The following CRPPA variants were observed in gnomAD, a reference collection of about 807,000 sequenced individuals.
CRPPA encodes the protein CDP-L-ribitol pyrophosphorylase A.
CRPPA carries 43 observed loss-of-function variants against 52.0 expected under a neutral mutation model. The ratio of observed to expected loss-of-function variants is 0.83; its 90% CI spans 0.65 to 1.07. CRPPA has a LOEUF of 1.07. CRPPA is among the 50% of genes least tolerant of loss of function. The pLI, the probability that CRPPA is intolerant of heterozygous loss-of-function variation, is 0.00. For missense variants in CRPPA, 629 were observed against 551.7 expected (o/e 1.14, Z -1.40); for synonymous variants, 250 against 203.5 (o/e 1.23, Z -1.94).
intron 2 of CRPPA, among the ~76,000 whole-genome samples, chr7:16,383,411 T>TGCC (rs1787167016): frequency 6.6e-6 from 1 of 152,014 alleles, no homozygotes. Context: ...TACTGGGGGG[T>TGCC]GCCTCCCAGT....
rs147270294 is a variant in CRPPA, at chr7:16,320,560, G to A, written c.685-11933C>T. Among the ~76,000 whole-genome samples the A allele has an allele frequency of 6.9e-3, 1,055 of 152,102 alleles. 18 individuals are homozygous for A. The highest frequency in any genetic ancestry group is 0.025 in the African/African-American group (1,031 of 41,484). On this transcript the variant is annotated intron_variant, in intron 3 of 9. Coordinates refer to ENST00000407010, the MANE Select transcript of CRPPA (RefSeq NM_001101426.4). ...ATCATTCACAGTATTATTTCTGCTA[G>A]GCAGCCTGGGAAGTTTGCCCAACCA...
At chr7:16,120,201 T>C (rs1345920795) in intron 9 of CRPPA, among the ~76,000 whole-genome samples, 1 of 152,198 alleles carries the variant, frequency 6.6e-6, no homozygotes, top group African/African-American at 2.4e-5. Flanking sequence ...GCCCTTCAGG[T>C]GTTGACCTTG....
At chr7:16,274,291 G>A (rs1224944409) in intron 6 of CRPPA, among the ~76,000 whole-genome samples, 3 of 151,974 alleles carry the variant, frequency 2.0e-5, no homozygotes, top group South Asian at 2.1e-4. Flanking sequence ...TTCGTGATCC[G>A]CCCACCTCGG....
chr7:16,381,765 C>T (rs28822763), intron 2 of CRPPA, among the ~76,000 whole-genome samples: 17,203 of 150,372 alleles, frequency 0.11, 1,289 homozygotes, highest in East Asian at 0.24. Flanking sequence ...TTGTCTCTTT[C>T]GATCTTTGTT....
intron 8 of CRPPA, among the ~76,000 whole-genome samples, chr7:16,256,176 A>G (rs190596700): frequency 1.3e-5 from 2 of 152,362 alleles, no homozygotes; most frequent in East Asian, 3.9e-4. Context: ...TATGTAGCCA[A>G]GAAACATGAA....
chr7:16,358,916 A>G (rs1786373290), intron 3 of CRPPA, among the ~76,000 whole-genome samples: 1 of 152,256 alleles, frequency 6.6e-6, no homozygotes, highest in South Asian at 2.1e-4. Flanking sequence ...AAAGAATGTC[A>G]GTAAAATGAC....
intron 8 of CRPPA, among the ~76,000 whole-genome samples, chr7:16,228,684 T>A (rs1410325914): frequency 1.3e-5 from 2 of 151,952 alleles, no homozygotes; most frequent in African/African-American, 4.8e-5. Context: ...CAATCTTAAG[T>A]ATTTTAACAC....
intron 8 of CRPPA, among the ~76,000 whole-genome samples, chr7:16,234,642 T>A (rs1782893586): frequency 6.6e-6 from 1 of 152,124 alleles, no homozygotes; most frequent in South Asian, 2.1e-4. Context: ...CTCCTTCTTT[T>A]CTGCAAGTCA....
intron 2 of CRPPA, 63 bp from the exon 3 acceptor site, chr7:16,376,304 A>G: frequency 6.7e-7 from 1 of 1,493,252 alleles, no homozygotes. Flanking sequence ...GAAATTCTGA[A>G]TTCAGTATCT....
chr7:16,265,676 C>T (rs1297766401), intron 6 of CRPPA, among the ~76,000 whole-genome samples: 1 of 151,522 alleles, frequency 6.6e-6, no homozygotes, highest in Admixed American at 6.5e-5. Flanking sequence ...TCTTAACTTC[C>T]ACTTTTAGAG....
chr7:16,416,622 C>T (rs989902028), intron 1 of CRPPA, among the ~76,000 whole-genome samples: 2 of 151,788 alleles, frequency 1.3e-5, no homozygotes, highest in African/African-American at 2.4e-5. Flanking sequence ...ATCACCTGAG[C>T]GCAGGAGCTC....
chr7:16,375,880 G>C (rs908239198), intron 3 of CRPPA, among the ~76,000 whole-genome samples: 23 of 152,164 alleles, frequency 1.5e-4, no homozygotes, highest in African/African-American at 5.6e-4. Context: ...AGGGAAAAGA[G>C]CATCTAGAAG....
At chr7:16,389,514 A>G (rs991635061) in intron 2 of CRPPA, among the ~76,000 whole-genome samples, 1 of 152,206 alleles carries the variant, frequency 6.6e-6, no homozygotes, top group Admixed American at 6.5e-5. Flanking sequence ...ACATATGAAC[A>G]TGTCAATAGG....
chr7:16,406,432 T>C (rs1332357303), intron 1 of CRPPA, 95 bp from the exon 2 acceptor site: 29 of 1,075,982 alleles, frequency 2.7e-5, no homozygotes, highest in Middle Eastern at 2.4e-4. Context: ...TATATTTAAA[T>C]AGGGAGATTA....
At chr7:16,387,062 T>G (rs866551104) in intron 2 of CRPPA, among the ~76,000 whole-genome samples, 2 of 77,052 alleles carry the variant, frequency 2.6e-5, no homozygotes, top group Admixed American at 2.6e-4. Flanking sequence ...TATATATATA[T>G]ATATATATAT....
At chr7:16,288,464 T>A (rs184264959) in intron 5 of CRPPA, among the ~76,000 whole-genome samples, 1 of 152,020 alleles carries the variant, frequency 6.6e-6, no homozygotes, top group East Asian at 1.9e-4. Context: ...CATAACAAGC[T>A]GATGATGCAA....
intron 8 of CRPPA, among the ~76,000 whole-genome samples, chr7:16,252,518 T>C (rs1562586726): frequency 6.6e-6 from 1 of 152,200 alleles, no homozygotes. Context: ...AGTATTTTAT[T>C]GAGGATTTTT....
chr7:16,347,967 C>T (rs1423469940), intron 3 of CRPPA, among the ~76,000 whole-genome samples: 2 of 152,080 alleles, frequency 1.3e-5, no homozygotes, highest in African/African-American at 2.4e-5. Flanking sequence ...CCAGGGGCCT[C>T]ATCCTCTGAG....
intron 3 of CRPPA, among the ~76,000 whole-genome samples, chr7:16,312,993 G>GAC (rs1785066116): frequency 6.6e-6 from 1 of 151,906 alleles, no homozygotes; most frequent in Admixed American, 6.6e-5. Flanking sequence ...TAAGGACCAT[G>GAC]ACATCTCTAC....
Sources: gnomAD v4.1 joint callset for allele counts (sites outside exome capture counted in the v4.1 genomes callset) on GRCh38, gnomAD v4.1.1 for gene constraint, MANE v1.5 for transcripts, NCBI Gene and HGNC (gene_info 2026-07-23, HGNC 2026-07-21) for gene names.